PCDHGA1: variants seen among roughly 807,000 people sequenced by gnomAD.
PCDHGA1 encodes the protein protocadherin gamma subfamily A, 1, also known as protocadherin gamma-A1.
A neutral mutation model predicts 58.0 loss-of-function variants in PCDHGA1; 32 were observed. The observed-to-expected ratio is 0.55, with a 90% CI of 0.42 to 0.74. PCDHGA1 has a LOEUF of 0.74. Among genes scored for constraint, PCDHGA1 ranks in the 30% least tolerant of loss-of-function variants. PCDHGA1 has a pLI of 0.00. For synonymous variants in PCDHGA1, 498 were observed against 501.1 expected (o/e 0.99, Z 0.08); for missense variants, 1,205 against 1,182.3 (o/e 1.02, Z -0.28).
intron 1 of PCDHGA1, chr5:141,371,206 A>T: frequency 6.2e-7 from 1 of 1,614,018 alleles, no homozygotes. Context: ...GACATGGATG[A>T]GGGCATCAAT....
intron 1 of PCDHGA1, chr5:141,355,258 C>G (rs1330047112): frequency 6.2e-7 from 1 of 1,613,408 alleles, no homozygotes; most frequent in Non-Finnish European, 8.5e-7. Flanking sequence ...CTGCCTTCTC[C>G]TGGGGGTTCT....
In PCDHGA1 at chr5:141,331,684, C is replaced by A; in HGVS notation, c.1000C>A (p.Leu334Met). The A allele has an allele frequency of 6.2e-7, 1 of 1,613,966 alleles. No individual in the cohort carries two copies. The highest frequency in any genetic ancestry group is 8.5e-7 in the Non-Finnish European group (1 of 1,179,976). ...GAGLMAKVKV[L>M]IKVLDVNDNA... ...GGGGCTCATGGCTAAAGTTAAGGTA[C>A]TGATCAAAGTTTTGGATGTAAATGA... Residue 334 changes from leucine to methionine, a missense_variant, in exon 1 of 4, where the codon CTG becomes ATG. Coordinates refer to ENST00000517417, the MANE Select transcript of PCDHGA1 (RefSeq NM_018912.3).
At chr5:141,497,499 C>G (rs1217418941) in intron 2 of PCDHGA1, among the ~76,000 whole-genome samples, 3 of 151,416 alleles carry the variant, frequency 2.0e-5, no homozygotes, top group Non-Finnish European at 4.4e-5. Context: ...TCTCTCTCCT[C>G]TCTCTGCTTC....
At chr5:141,351,755 T>A in intron 1 of PCDHGA1, 1 of 1,613,598 alleles carries the variant, frequency 6.2e-7, no homozygotes. Context: ...GGAGCTGTTG[T>A]CCTACGTGTC....
At chr5:141,507,183 C>T (rs2099859036) in intron 3 of PCDHGA1, 1 of 152,428 alleles carries the variant, frequency 6.6e-6, no homozygotes, top group Non-Finnish European at 1.5e-5. Flanking sequence ...TCCTCGAGCT[C>T]TGCTTTATTC....
At chr5:141,385,227 A>G (rs781548290) in intron 1 of PCDHGA1, 1 of 1,614,220 alleles carries the variant, frequency 6.2e-7, no homozygotes, top group South Asian at 1.1e-5. Context: ...CCAACTATGT[A>G]GACATGCTCA....
At chr5:141,389,227 C>A (rs1412412051) in intron 1 of PCDHGA1, 1 of 1,613,906 alleles carries the variant, frequency 6.2e-7, no homozygotes, top group Non-Finnish European at 8.5e-7. Context: ...GACAACGCTC[C>A]GGTTTTCTCA....
rs746318177 is a variant in PCDHGA1 at position 141,431,715 on chromosome 5, T to G, written c.2422-63092T>G. On this transcript the variant is annotated intron_variant, in intron 1 of 3. Coordinates refer to ENST00000517417, the MANE Select transcript of PCDHGA1 (RefSeq NM_018912.3). The surrounding 1 kb of genome is among the most constrained non-coding windows in gnomAD (Gnocchi z 4.8). Reference sequence around the variant, plus strand: ...GAGTCAGGATTCTACCAGATGGAAGTGCAAGCAATGGATAATGCAGGATAT... The same window carrying G: ...GAGTCAGGATTCTACCAGATGGAAGGGCAAGCAATGGATAATGCAGGATAT... 5.6e-6 allele frequency: 9 copies of G among 1,614,178 alleles called. No homozygotes were observed. The highest frequency in any genetic ancestry group is 6.8e-6 in the Non-Finnish European group (8 of 1,180,042).
intron 1 of PCDHGA1, among the ~76,000 whole-genome samples, chr5:141,338,321 T>A (rs533792953): frequency 6.6e-6 from 1 of 152,346 alleles, no homozygotes; most frequent in South Asian, 2.1e-4. Context: ...TTCAATAATT[T>A]AAAGGCAGAT....
rs752147264 is a variant in PCDHGA1, at chr5:141,398,602, G to C, written c.2421+65497G>C. 8 of 1,613,936 alleles carry C rather than the reference G, an allele frequency of 5.0e-6. No individual in the cohort carries two copies. The East Asian group carries it at 1.6e-4, about 31-fold the overall frequency. On this transcript the variant is annotated intron_variant, in intron 1 of 3. Transcript: ENST00000517417. ...AAGATTTATACTAGAAGTAGCAGAA[G>C]ATGCAGATATTGGCTTAAACTCTCT...
chr5:141,349,980 G>C (rs941978802), intron 1 of PCDHGA1: 16 of 301,608 alleles, frequency 5.3e-5, no homozygotes, highest in African/African-American at 2.6e-4. Context: ...GATTCAAGAG[G>C]TTGCGCTTTG....
At chr5:141,353,911 T>C (rs759123248) in intron 1 of PCDHGA1, among the ~76,000 whole-genome samples, 5 of 152,244 alleles carry the variant, frequency 3.3e-5, no homozygotes, top group Non-Finnish European at 7.3e-5. Flanking sequence ...GCTAATGCCC[T>C]TTTGTATGAG....
At chr5:141,372,808 A>G in intron 1 of PCDHGA1, 1 of 1,589,102 alleles carries the variant, frequency 6.3e-7, no homozygotes, top group South Asian at 1.1e-5. Flanking sequence ...AATTTGCAAA[A>G]GGTGAGTTTC....
At chr5:141,374,384 C>T (rs781113576) in intron 1 of PCDHGA1, 4 of 1,613,962 alleles carry the variant, frequency 2.5e-6, no homozygotes, top group East Asian at 2.2e-5. Flanking sequence ...TCAGAGCCCG[C>T]GGTGTCTGGT....
chr5:141,457,471 C>T (rs1478580665), intron 1 of PCDHGA1, among the ~76,000 whole-genome samples: 1 of 152,182 alleles, frequency 6.6e-6, no homozygotes, highest in African/African-American at 2.4e-5. Context: ...CAGGAATAAG[C>T]AGGGCCAGGG....
intron 1 of PCDHGA1, among the ~76,000 whole-genome samples, chr5:141,435,539 C>T (rs75717921): frequency 1.3e-5 from 2 of 152,226 alleles, no homozygotes; most frequent in South Asian, 4.1e-4. Flanking sequence ...TCAGAATTAA[C>T]AAAATGTGTT....
chr5:141,419,214 T>C lies in PCDHGA1; in HGVS notation c.2422-75593T>C. On this transcript the variant is annotated intron_variant, in intron 1 of 3. Coordinates refer to ENST00000517417, the MANE Select transcript of PCDHGA1 (RefSeq NM_018912.3). ...GACGTCAATGACAACGCGCCGGTTT[T>C]CGGACAGTCAGCCTACCTGGTCCAC... 1.9e-6 allele frequency: 3 copies of C among 1,613,986 alleles called. No individual in the cohort carries two copies. In the South Asian group the frequency reaches 3.3e-5, roughly 18 times the overall value.
chr5:141,511,202 C>T lies in PCDHGA1; in HGVS notation c.*29C>T, dbSNP rs201024828. 2.0e-3 allele frequency: 3,296 copies of T among 1,612,132 alleles called. 7 individuals carry two copies. Among genetic ancestry groups the T allele is most frequent in the Middle Eastern group, 0.013 (77 of 6,006 alleles). On this transcript the variant is annotated 3_prime_UTR_variant, in exon 4 of 4. Coordinates refer to ENST00000517417, the MANE Select transcript of PCDHGA1 (RefSeq NM_018912.3). ...GGAGGCCAGGCCAAGAGCCACAGGG[C>T]GGCCTCTCCCCAACCAGCCCAGCTT...
chr5:141,446,075 A>G (rs907731619), intron 1 of PCDHGA1, among the ~76,000 whole-genome samples: 1 of 152,216 alleles, frequency 6.6e-6, no homozygotes, highest in Admixed American at 6.5e-5. Context: ...GAGGCAGTGG[A>G]TGTAGAAATA....
Sources: allele counts gnomAD v4.1 joint callset (sites outside exome capture counted in the v4.1 genomes callset), GRCh38; gene constraint gnomAD v4.1.1; non-coding constraint Gnocchi (gnomAD v3.1); transcripts MANE v1.5; gene names NCBI Gene and HGNC (gene_info 2026-07-23, HGNC 2026-07-21).